The following KPNA7 variants were observed in gnomAD, a reference collection of about 807,000 sequenced individuals.
KPNA7 encodes importin subunit alpha-8.
A neutral mutation model predicts 53.7 loss-of-function variants in KPNA7; 54 were observed. The ratio of observed to expected loss-of-function variants is 1.01; its 90% CI spans 0.81 to 1.26. KPNA7 has a LOEUF of 1.26. Ranked by LOEUF, KPNA7 falls within the 50% of genes most tolerant of loss-of-function variation. The pLI is 0.00. For missense variants in KPNA7, 640 were observed against 644.5 expected, an observed-to-expected ratio of 0.99 and a Z score of 0.07; for synonymous variants, 276 against 259.3, an observed-to-expected ratio of 1.06 and a Z score of -0.62.
chr7:99,194,513 T>G (rs1045190100), intron 5 of KPNA7, among the ~76,000 whole-genome samples: 3 of 152,146 alleles, frequency 2.0e-5, no homozygotes, highest in Admixed American at 1.3e-4. Flanking sequence ...AGGACCTTAG[T>G]GTTGGCAGAT....
intron 6 of KPNA7, among the ~76,000 whole-genome samples, chr7:99,192,092 T>C (rs1789986638): frequency 6.6e-6 from 1 of 152,200 alleles, no homozygotes; most frequent in African/African-American, 2.4e-5. Flanking sequence ...GAAGAGCCTG[T>C]TCCCCATGAA....
chr7:99,153,570 G>A, the KPNA7 span, among the ~76,000 whole-genome samples: 56 of 150,312 alleles, frequency 3.7e-4, 1 homozygote, highest in Non-Finnish European at 7.2e-4. Flanking sequence ...AAAAAAGATC[G>A]TTCTTGATCT....
the KPNA7 span, among the ~76,000 whole-genome samples, chr7:99,146,693 T>A: frequency 8.8e-6 from 1 of 113,694 alleles, no homozygotes. Context: ...GCCTGGGCAA[T>A]AGAGCGAGAC....
intron 5 of KPNA7, among the ~76,000 whole-genome samples, chr7:99,193,353 G>A (rs1372316463): frequency 2.0e-5 from 3 of 152,196 alleles, no homozygotes; most frequent in African/African-American, 4.8e-5. Flanking sequence ...GCCAAGGTGG[G>A]CTGTTGGCAT....
At chr7:99,193,411 GT>G (rs1361994236) in intron 5 of KPNA7, among the ~76,000 whole-genome samples, 2 of 152,216 alleles carry the variant, frequency 1.3e-5, no homozygotes, top group African/African-American at 4.8e-5. Context: ...AGACCAAGTT[GT>G]CTTCCCAGAA....
intron 9 of KPNA7, among the ~76,000 whole-genome samples, chr7:99,181,019 G>GTCTC (rs1486493059): frequency 6.4e-5 from 1 of 15,714 alleles, no homozygotes; most frequent in African/African-American, 1.9e-4. Flanking sequence ...CTCTCTGTGT[G>GTCTC]TGTGTCTCTC....
At chr7:99,216,173 A>G (rs913160237) in intron 1 of KPNA7, among the ~76,000 whole-genome samples, 1 of 151,786 alleles carries the variant, frequency 6.6e-6, no homozygotes, top group Non-Finnish European at 1.5e-5. Context: ...GGCTACAGGC[A>G]CACACCACCA....
At chr7:99,207,268 T>C (rs1790861477) in intron 2 of KPNA7, 133 bp downstream of exon 2, 1 of 722,488 alleles carries the variant, frequency 1.4e-6, no homozygotes, top group Non-Finnish European at 2.4e-6. Flanking sequence ...CTCCTGACCT[T>C]GTGATCTGCC....
downstream of KPNA7, among the ~76,000 whole-genome samples, chr7:99,172,796 C>A (rs1053378243): frequency 2.0e-5 from 3 of 152,024 alleles, no homozygotes; most frequent in South Asian, 6.2e-4. Flanking sequence ...GGCATGTTGG[C>A]TCACGCCTGT....
At chr7:99,197,308 T>A (rs192779198) in intron 3 of KPNA7, among the ~76,000 whole-genome samples, 1 of 152,312 alleles carries the variant, frequency 6.6e-6, no homozygotes, top group African/African-American at 2.4e-5. Flanking sequence ...ATACAGATTT[T>A]AGATAATTAG....
chr7:99,207,879 C>A (rs1421195090), intron 1 of KPNA7, among the ~76,000 whole-genome samples, 149 bp downstream of exon 1: 2 of 151,816 alleles, frequency 1.3e-5, no homozygotes, highest in Non-Finnish European at 2.9e-5. Context: ...TGTGATCCGC[C>A]CACCTCGGCC....
chr7:99,177,468 G>A (rs1478986641), intron 10 of KPNA7, among the ~76,000 whole-genome samples: 2 of 151,050 alleles, frequency 1.3e-5, no homozygotes, highest in East Asian at 1.9e-4. Context: ...CCAGCTTCTC[G>A]GGTCAATGAG....
At chr7:99,167,418 A>G in the KPNA7 span, among the ~76,000 whole-genome samples, 74,968 of 151,826 alleles carry the variant, frequency 0.49, 21,421 homozygotes, top group East Asian at 0.65. Context: ...CCCATAGGAG[A>G]GAGAACCCTA....
intron 1 of KPNA7, among the ~76,000 whole-genome samples, chr7:99,217,996 C>T (rs1223894026): frequency 1.3e-5 from 2 of 151,968 alleles, no homozygotes; most frequent in Non-Finnish European, 2.9e-5. Flanking sequence ...CCTGGGGATT[C>T]CAGACTTCAG....
At chr7:99,208,185 AC>A (rs1464023327), upstream of KPNA7, among the ~76,000 whole-genome samples, 2 of 146,994 alleles carry the variant, frequency 1.4e-5, no homozygotes, top group East Asian at 4.1e-4. Flanking sequence ...CAAGTGATTC[AC>A]CCACCTCAGC....
At chr7:99,178,117 G>C (rs1012851990) in intron 9 of KPNA7, 51 bp from the exon 10 acceptor site, 1 of 1,518,706 alleles carries the variant, frequency 6.6e-7, no homozygotes, top group Non-Finnish European at 8.9e-7. Flanking sequence ...GCCTTTGGGG[G>C]ATAGGGACTC....
downstream of KPNA7, chr7:99,173,515 G>A (rs1798809466): frequency 3.9e-6 from 2 of 513,776 alleles, no homozygotes; most frequent in East Asian, 3.4e-5. Context: ...CTTAGGAGAT[G>A]AATTCCACAT....
intron 3 of KPNA7, among the ~76,000 whole-genome samples, chr7:99,197,050 CAAA>C (rs1346019934): frequency 6.7e-6 from 1 of 148,480 alleles, no homozygotes; most frequent in African/African-American, 2.5e-5. Flanking sequence ...ACAACAACAA[CAAA>C]ACTAAGACCC....
rs552073862 is a variant in KPNA7, at chr7:99,181,842, G to T, written c.1317+41C>A. 1.0e-5 allele frequency: 15 copies of T among 1,445,986 alleles called. No individual in the cohort carries two copies. The South Asian group carries it at 2.0e-4, about 19-fold the overall frequency. 89.6% of individuals were successfully genotyped at this position (1,445,986 alleles called of 1,614,324 possible). Reference sequence around the variant, plus strand: ...CACATTAAATGCTTGTATCCAGTTGGAGACAGCTATTTACAAACCAACCTG... The same window carrying T: ...CACATTAAATGCTTGTATCCAGTTGTAGACAGCTATTTACAAACCAACCTG... On this transcript the variant is annotated intron_variant, in intron 9 of 10. Coordinates refer to ENST00000327442, the MANE Select transcript of KPNA7 (RefSeq NM_001145715.3).
Sources: allele counts gnomAD v4.1 joint callset (sites outside exome capture counted in the v4.1 genomes callset), GRCh38; gene constraint gnomAD v4.1.1; transcripts MANE v1.5; gene names NCBI Gene and HGNC (gene_info 2026-07-23, HGNC 2026-07-21).